The following GAREM1 variants were observed in gnomAD, a reference collection of about 807,000 sequenced individuals.
GAREM1 encodes the protein GRB2-associated and regulator of MAPK protein 1.
A neutral mutation model predicts 71.3 loss-of-function variants in GAREM1; 26 were observed. The ratio of observed to expected loss-of-function variants is 0.36; its 90% confidence interval spans 0.27 to 0.51. The LOEUF (loss-of-function observed/expected upper bound fraction) is 0.51. GAREM1 is among the 20% of genes least tolerant of loss of function. The pLI, the probability that GAREM1 is intolerant of heterozygous loss-of-function variation, is 0.95. For missense variants in GAREM1, 1,026 were observed against 1,103.1 expected (o/e 0.93, Z 0.99); for synonymous variants, 440 against 433.2 (o/e 1.02, Z -0.20).
chr18:32,453,170 G>C (rs1165446810), intron 1 of GAREM1, among the ~76,000 whole-genome samples: 1 of 152,000 alleles, frequency 6.6e-6, no homozygotes, highest in Non-Finnish European at 1.5e-5. Context: ...CCAAGCAAAA[G>C]GGGAAACCTC....
chr18:32,389,745 T>C (rs2048178292), intron 2 of GAREM1, among the ~76,000 whole-genome samples: 1 of 152,152 alleles, frequency 6.6e-6, no homozygotes, highest in African/African-American at 2.4e-5. Context: ...CTCCACAATG[T>C]ACTATATGCT....
intron 1 of GAREM1, among the ~76,000 whole-genome samples, chr18:32,461,756 C>T (rs1374973765): frequency 6.6e-6 from 1 of 152,048 alleles, no homozygotes; most frequent in Admixed American, 6.6e-5. Flanking sequence ...AAAAACAATA[C>T]ATAAACCAGA....
intron 3 of GAREM1, among the ~76,000 whole-genome samples, chr18:32,309,639 A>AAAC (rs2047293851): frequency 6.6e-6 from 1 of 150,456 alleles, no homozygotes; most frequent in Non-Finnish European, 1.5e-5. Context: ...AAAAAAAAAA[A>AAAC]AAAAGAATGC....
intron 1 of GAREM1, among the ~76,000 whole-genome samples, chr18:32,398,990 T>A (rs2048285482): frequency 6.6e-6 from 1 of 152,180 alleles, no homozygotes; most frequent in African/African-American, 2.4e-5. Flanking sequence ...GTGGGCTTCA[T>A]CCCTGGGATG....
chr18:32,405,666 A>C lies in GAREM1; in HGVS notation c.122-12631T>G, dbSNP rs116072051. On this transcript the variant is annotated intron_variant, in intron 1 of 5. Coordinates refer to ENST00000269209, the MANE Select transcript of GAREM1 (RefSeq NM_001242409.2). ...AGCCAATGATGTATGAACAGAAATG[A>C]CATTTCCTACTTCCTGTCCTGGCCT... Among the ~76,000 whole-genome samples the C allele has an allele frequency of 1.3e-3, 194 of 152,290 alleles. 1 individual carries two copies. Among genetic ancestry groups the C allele is most frequent in the African/African-American group, 4.5e-3 (186 of 41,576 alleles).
chr18:32,434,442 G>T lies in GAREM1; in HGVS notation c.121+35866C>A, dbSNP rs113846865. Among the ~76,000 whole-genome samples, 449 of 152,154 alleles carry T rather than the reference G, an allele frequency of 3.0e-3. 3 individuals are homozygous for T. The highest frequency in any genetic ancestry group is 0.01 in the African/African-American group (425 of 41,514). On this transcript the variant is annotated intron_variant, in intron 1 of 5. Transcript: ENST00000269209. ...GGAGAGGTCATTGATTCCAGGCCTA[G>T]GGCAGGGGCATCTTGTGCTGTGTCA... is the stretch of plus-strand genomic sequence containing the variant.
At chr18:32,358,065 C>T (rs1044216735) in intron 2 of GAREM1, among the ~76,000 whole-genome samples, 1 of 151,928 alleles carries the variant, frequency 6.6e-6, no homozygotes, top group Non-Finnish European at 1.5e-5. Context: ...AAGCTATTAC[C>T]CCTTAGTTAG....
At chr18:32,368,331 T>C (rs2047945179) in intron 2 of GAREM1, among the ~76,000 whole-genome samples, 1 of 152,228 alleles carries the variant, frequency 6.6e-6, no homozygotes, top group South Asian at 2.1e-4. Context: ...TTAATGAATG[T>C]CTGCTGCTAA....
intron 3 of GAREM1, among the ~76,000 whole-genome samples, chr18:32,290,642 G>GAAAAAAAAAAA (rs586596): frequency 5.3e-5 from 4 of 75,600 alleles, no homozygotes; most frequent in African/African-American, 1.3e-4. Flanking sequence ...CAGACTGTCT[G>GAAAAAAAAAAA]AAAAAAAAAA....
At chr18:32,419,771 A>T (rs1187702344) in intron 1 of GAREM1, among the ~76,000 whole-genome samples, 2 of 152,198 alleles carry the variant, frequency 1.3e-5, no homozygotes, top group African/African-American at 4.8e-5. Context: ...AATTCTGCCT[A>T]TCACACATGC....
At chr18:32,422,472 A>G (rs1332091929) in intron 1 of GAREM1, among the ~76,000 whole-genome samples, 2 of 152,156 alleles carry the variant, frequency 1.3e-5, no homozygotes, top group Non-Finnish European at 2.9e-5. Flanking sequence ...CACTAGGCTG[A>G]GAGCTCAAGG....
chr18:32,318,822 G>T lies in GAREM1; in HGVS notation c.263-8499C>A, dbSNP rs1045786956. Among the ~76,000 whole-genome samples the T allele has an allele frequency of 2.8e-4, 42 of 152,296 alleles. 1 individual carries two copies. The highest frequency in any genetic ancestry group is 4.3e-4 in the Non-Finnish European group (29 of 68,030). ...CCACAACTCAAGTGAGCAACATTCT[G>T]TTGTCATCTCCTCCATGACTGGGAG... On this transcript the variant is annotated intron_variant, in intron 2 of 5. Transcript: ENST00000269209.
intron 2 of GAREM1, among the ~76,000 whole-genome samples, chr18:32,376,081 G>T (rs1361280320): frequency 6.6e-6 from 1 of 152,116 alleles, no homozygotes; most frequent in East Asian, 1.9e-4. Flanking sequence ...GTATAGTATG[G>T]ATTAATAATT....
chr18:32,365,218 T>G (rs1288807669), intron 2 of GAREM1, among the ~76,000 whole-genome samples: 2 of 152,184 alleles, frequency 1.3e-5, no homozygotes, highest in Non-Finnish European at 2.9e-5. Flanking sequence ...AACCTTTACA[T>G]ATGTGGAACT....
intron 2 of GAREM1, among the ~76,000 whole-genome samples, chr18:32,382,930 G>T (rs2048111287): frequency 6.6e-6 from 1 of 152,088 alleles, no homozygotes; most frequent in South Asian, 2.1e-4. Flanking sequence ...TGTTATGAAG[G>T]TCTATAAGAA....
intron 2 of GAREM1, among the ~76,000 whole-genome samples, chr18:32,389,758 C>CT (rs1166577895): frequency 6.6e-6 from 1 of 152,074 alleles, no homozygotes; most frequent in Admixed American, 6.6e-5. Context: ...TATATGCTCT[C>CT]TTTTTTCCAA....
At chr18:32,357,552 G>A (rs2047818510) in intron 2 of GAREM1, among the ~76,000 whole-genome samples, 1 of 152,176 alleles carries the variant, frequency 6.6e-6, no homozygotes, top group African/African-American at 2.4e-5. Context: ...CGAAGGGATA[G>A]CAAAAGCCAT....
intron 2 of GAREM1, among the ~76,000 whole-genome samples, chr18:32,336,000 G>T (rs967545345): frequency 3.3e-5 from 5 of 152,286 alleles, no homozygotes; most frequent in African/African-American, 1.2e-4. Context: ...TGGGCATGAG[G>T]TTCAAAGACG....
intron 2 of GAREM1, among the ~76,000 whole-genome samples, chr18:32,381,708 C>G (rs181878724): frequency 6.6e-6 from 1 of 152,208 alleles, no homozygotes; most frequent in Non-Finnish European, 1.5e-5. Context: ...TTCACTTAAT[C>G]TTTCTAAAAA....
Sources: allele counts gnomAD v4.1 joint callset (sites outside exome capture counted in the v4.1 genomes callset), GRCh38; gene constraint gnomAD v4.1.1; transcripts MANE v1.5; gene names NCBI Gene and HGNC (gene_info 2026-07-23, HGNC 2026-07-21).